CCDC171: variants seen among roughly 807,000 people sequenced by gnomAD.
CCDC171 encodes the protein coiled-coil domain containing 171, also known as coiled-coil domain-containing protein 171.
In CCDC171, 177 loss-of-function variants were observed where a neutral mutation model predicts 168.2. That is an observed-to-expected ratio of 1.05 (90% confidence interval 0.93 to 1.19). The LOEUF is 1.19. Ranked by LOEUF, CCDC171 falls within the 50% of genes most tolerant of loss-of-function variation. The pLI, the probability that CCDC171 is intolerant of heterozygous loss-of-function variation, is 0.00. For synonymous variants in CCDC171, 687 were observed against 540.8 expected (o/e 1.27, Z -3.75); for missense variants, 1,991 against 1,539.0 (o/e 1.29, Z -4.91).
chr9:15,576,436 C>T lies in CCDC171; in HGVS notation c.178-2413C>T, dbSNP rs549761514. On this transcript the variant is annotated intron_variant, in intron 3 of 25. Coordinates refer to ENST00000380701, the MANE Select transcript of CCDC171 (RefSeq NM_173550.4). Reference sequence around the variant, plus strand: ...CTCCTAGCCTCAAGCAACCCTCCCTCATCAGCCTCTCAAAGTGCTGGGATT... The same window carrying T: ...CTCCTAGCCTCAAGCAACCCTCCCTTATCAGCCTCTCAAAGTGCTGGGATT... 2.0e-5 allele frequency among the ~76,000 whole-genome samples: 3 copies of T among 152,174 alleles called. No homozygotes were observed. The South Asian group carries it at 6.2e-4, about 32-fold the overall frequency.
At chr9:16,012,843 GGA>G (rs1293379135) in intron 3 of CCDC171, among the ~76,000 whole-genome samples, 1 of 152,148 alleles carries the variant, frequency 6.6e-6, no homozygotes, top group African/African-American at 2.4e-5. Flanking sequence ...GTGCATGGGT[GGA>G]GAGGGTGGAC....
intron 16 of CCDC171, 87 bp from the exon 17 acceptor site, chr9:15,744,186 C>T: frequency 9.1e-7 from 1 of 1,102,856 alleles, no homozygotes; most frequent in Non-Finnish European, 1.3e-6. Context: ...TGGTTGTCAG[C>T]AAAAGTTTGT....
At chr9:15,697,026 T>A (rs2051271005) in intron 11 of CCDC171, among the ~76,000 whole-genome samples, 2 of 152,194 alleles carry the variant, frequency 1.3e-5, no homozygotes, top group Admixed American at 1.3e-4. Flanking sequence ...TCTCCTCTGT[T>A]CTGTTTTGCT....
At chr9:15,949,253 G>T (rs897192239) in intron 25 of CCDC171, among the ~76,000 whole-genome samples, 4 of 152,112 alleles carry the variant, frequency 2.6e-5, no homozygotes, top group African/African-American at 9.7e-5. Flanking sequence ...AAGTCAGGTA[G>T]CATGATGCCT....
chr9:15,828,513 G>A (rs1056938073), intron 21 of CCDC171, among the ~76,000 whole-genome samples: 1 of 152,148 alleles, frequency 6.6e-6, no homozygotes. Flanking sequence ...CTTAGAAGAA[G>A]ATAGCTTTCA....
intron 18 of CCDC171, among the ~76,000 whole-genome samples, chr9:15,772,864 G>A (rs983233558): frequency 6.6e-6 from 1 of 152,130 alleles, no homozygotes; most frequent in East Asian, 1.9e-4. Flanking sequence ...GAAATACTAA[G>A]AACAAGAAAT....
At chr9:15,990,806 A>T (rs932196499) in intron 3 of CCDC171, among the ~76,000 whole-genome samples, 1 of 152,238 alleles carries the variant, frequency 6.6e-6, no homozygotes, top group Non-Finnish European at 1.5e-5. Flanking sequence ...CTTTAAGCCA[A>T]CAAAGATCAA....
At chr9:15,696,369 T>G (rs2051217019) in intron 11 of CCDC171, among the ~76,000 whole-genome samples, 1 of 152,196 alleles carries the variant, frequency 6.6e-6, no homozygotes, top group Non-Finnish European at 1.5e-5. Flanking sequence ...GTCTCTGTGT[T>G]TTTAGCTTTT....
chr9:15,597,642 G>C (rs2042477699), intron 6 of CCDC171, among the ~76,000 whole-genome samples: 1 of 152,102 alleles, frequency 6.6e-6, no homozygotes, highest in Non-Finnish European at 1.5e-5. Flanking sequence ...TTTCCTATCA[G>C]GATGATGCTG....
chr9:16,020,870 C>A (rs1436577702), intron 4 of CCDC171: 1 of 152,156 alleles, frequency 6.6e-6, no homozygotes, highest in Non-Finnish European at 1.5e-5. Flanking sequence ...GGATGACCAC[C>A]AGTAATTGAA....
In CCDC171 at chr9:15,821,443, G is replaced by T. The variant is rs375536818; in HGVS notation, c.3268-25259G>T. On this transcript the variant is annotated intron_variant, in intron 21 of 25. Coordinates refer to ENST00000380701, the MANE Select transcript of CCDC171 (RefSeq NM_173550.4). ...GATTGTATATCTAGAAAACCCCATC[G>T]TCTCAGCCCAAAATCTCCTTGAGCT... 1.7e-5 allele frequency among the ~76,000 whole-genome samples: 2 copies of T among 115,498 alleles called. 1 individual carries two copies. Among genetic ancestry groups the T allele is most frequent in the Non-Finnish European group, 3.9e-5 (2 of 51,856 alleles). 75.8% of individuals were successfully genotyped at this position (115,498 alleles called of 152,430 possible).
At chr9:16,066,524 A>G (rs1291508056), downstream of CCDC171, among the ~76,000 whole-genome samples, 2 of 149,582 alleles carry the variant, frequency 1.3e-5, no homozygotes, top group South Asian at 4.2e-4. Flanking sequence ...GGTTAGTTAT[A>G]TATGTATACA....
At chr9:15,980,741 G>GT (rs1291740382) in intron 3 of CCDC171, among the ~76,000 whole-genome samples, 1 of 145,682 alleles carries the variant, frequency 6.9e-6, no homozygotes, top group African/African-American at 2.7e-5. Context: ...TTGCTCATTT[G>GT]GTTTTTTTTT....
At chr9:15,974,708 A>G (rs1831568237), downstream of CCDC171, among the ~76,000 whole-genome samples, 1 of 152,240 alleles carries the variant, frequency 6.6e-6, no homozygotes, top group African/African-American at 2.4e-5. Context: ...TGATAACTTA[A>G]TGACATAAAT....
At chr9:16,094,437 C>T in the CCDC171 span, among the ~76,000 whole-genome samples, 1 of 152,100 alleles carries the variant, frequency 6.6e-6, no homozygotes, top group Non-Finnish European at 1.5e-5. Flanking sequence ...AGGGTTTAAA[C>T]TATGGTGTCA....
At chr9:15,902,036 C>T (rs1253370285) in intron 24 of CCDC171, among the ~76,000 whole-genome samples, 1 of 152,084 alleles carries the variant, frequency 6.6e-6, no homozygotes, top group Non-Finnish European at 1.5e-5. Context: ...ATCTGTAGAA[C>T]TTTTCTTTGA....
intron 24 of CCDC171, among the ~76,000 whole-genome samples, chr9:15,900,365 G>A (rs1821460942): frequency 6.6e-6 from 1 of 152,158 alleles, no homozygotes; most frequent in Non-Finnish European, 1.5e-5. Flanking sequence ...GAGTGATCCT[G>A]GGTGACAGCC....
chr9:16,072,868 T>G, the CCDC171 span, among the ~76,000 whole-genome samples: 1 of 152,196 alleles, frequency 6.6e-6, no homozygotes, highest in Non-Finnish European at 1.5e-5. Flanking sequence ...TACCGCTTTC[T>G]CTGCTCACCA....
chr9:16,082,527 T>C, the CCDC171 span, among the ~76,000 whole-genome samples: 1 of 152,214 alleles, frequency 6.6e-6, no homozygotes, highest in Non-Finnish European at 1.5e-5. Flanking sequence ...CTGGGGTCAT[T>C]TGCTTTTGTA....
Sources: gnomAD v4.1 joint callset for allele counts (sites outside exome capture counted in the v4.1 genomes callset) on GRCh38, gnomAD v4.1.1 for gene constraint, MANE v1.5 for transcripts, NCBI Gene and HGNC (gene_info 2026-07-23, HGNC 2026-07-21) for gene names.